CATSPERE: variants seen among roughly 807,000 people sequenced by gnomAD.
CATSPERE encodes the protein cation channel sperm-associated auxiliary subunit epsilon.
A neutral mutation model predicts 114.1 loss-of-function variants in CATSPERE; 93 were observed. That is an observed-to-expected ratio of 0.81 (90% CI 0.69 to 0.97). CATSPERE has a LOEUF of 0.97. CATSPERE is among the 50% of genes least tolerant of loss of function. CATSPERE has a pLI of 0.00. For missense variants in CATSPERE, 1,058 were observed against 1,131.6 expected (o/e 0.93, Z 0.93); for synonymous variants, 341 against 384.1 (o/e 0.89, Z 1.31).
chr1:244,477,428 T>C, intron 2 of CATSPERE, 113 bp from the exon 3 acceptor site: 1 of 661,234 alleles, frequency 1.5e-6, no homozygotes. Flanking sequence ...AATTGAATTT[T>C]AGTTATTCTT....
At chr1:244,466,046 TA>T (rs2148083996) in intron 2 of CATSPERE, among the ~76,000 whole-genome samples, 1 of 152,336 alleles carries the variant, frequency 6.6e-6, no homozygotes, top group South Asian at 2.1e-4. Flanking sequence ...AAGTGATACT[TA>T]TAGTGAATTG....
intron 8 of CATSPERE, among the ~76,000 whole-genome samples, chr1:244,533,836 G>A (rs2148429004): frequency 6.6e-6 from 1 of 152,130 alleles, no homozygotes; most frequent in South Asian, 2.1e-4. Context: ...GTTTTTCTGT[G>A]TACTTAAAAT....
In CATSPERE at chr1:244,635,518, T is replaced by C; in HGVS notation, c.2678T>C (p.Ile893Thr). The C allele has an allele frequency of 6.2e-7, 1 of 1,612,986 alleles. No individual in the cohort carries two copies. The highest frequency in any genetic ancestry group is 1.1e-5 in the South Asian group (1 of 91,008). ...SFCNLTAMFA[I>T]ETFGLIPSPS... ...TGTAACCTAACAGCTATGTTTGCAA[T>C]AGAGACATTTGGACTGATTCCCAGG... Residue 893 changes from isoleucine to threonine, a missense_variant, in exon 21 of 22, where the codon ATA becomes ACA. Physicochemically the swap from Ile to Thr is moderately conservative, Grantham distance 89. Coordinates refer to ENST00000366534, the MANE Select transcript of CATSPERE (RefSeq NM_001130957.2).
At chr1:244,581,621 T>G (rs956288588) in intron 11 of CATSPERE, among the ~76,000 whole-genome samples, 175 bp from the exon 12 acceptor site, 1 of 152,230 alleles carries the variant, frequency 6.6e-6, no homozygotes, top group African/African-American at 2.4e-5. Context: ...TACGTATCTA[T>G]GCACCTGTCT....
At position 244,515,065 on chromosome 1, in the gene CATSPERE, T is replaced by C. The variant is rs3003283; in HGVS notation, c.430-3527T>C. 7.3e-3 allele frequency among the ~76,000 whole-genome samples: 1,106 copies of C among 152,344 alleles called. 14 individuals carry two copies. The highest frequency in any genetic ancestry group is 0.025 in the African/African-American group (1,026 of 41,574). ...CCTATTTTAAAATCTCTTCAATGTT[T>C]GGCCATTGTACTAAGAATAAAATCT... On this transcript the variant is annotated intron_variant, in intron 7 of 21. Coordinates refer to ENST00000366534, the MANE Select transcript of CATSPERE (RefSeq NM_001130957.2).
chr1:244,501,676 T>G (rs1222068479), intron 7 of CATSPERE, among the ~76,000 whole-genome samples: 2 of 152,254 alleles, frequency 1.3e-5, no homozygotes, highest in African/African-American at 4.8e-5. Flanking sequence ...TCTAATCATT[T>G]TAAGTAAATA....
chr1:244,576,077 C>T (rs2148590348), intron 11 of CATSPERE, among the ~76,000 whole-genome samples: 1 of 152,238 alleles, frequency 6.6e-6, no homozygotes, highest in Middle Eastern at 3.4e-3. Flanking sequence ...CAAGGAAATA[C>T]TTTACCGGCT....
chr1:244,499,482 C>T (rs1673666733), intron 7 of CATSPERE, among the ~76,000 whole-genome samples: 1 of 147,204 alleles, frequency 6.8e-6, no homozygotes, highest in Non-Finnish European at 1.5e-5. Flanking sequence ...GCCAAATGCT[C>T]TCCCTCCCCT....
In CATSPERE at chr1:244,607,623, G is replaced by A. The variant is rs1366237677; in HGVS notation, c.2403+1829G>A. Reference sequence around the variant, plus strand: ...GGTGAAGTGCTTAAGAAGGAATCACGTGAACCTTCACGCTTTCCATCATAC... The same window carrying A: ...GGTGAAGTGCTTAAGAAGGAATCACATGAACCTTCACGCTTTCCATCATAC... On this transcript the variant is annotated intron_variant, in intron 18 of 21. Transcript: ENST00000366534. This position sits in a 1 kb window ranked among gnomAD's most constrained non-coding sequence, Gnocchi z 4.4. 6.6e-6 allele frequency among the ~76,000 whole-genome samples: 1 copy of A among 152,194 alleles called. No individual in the cohort carries two copies. The highest frequency in any genetic ancestry group is 1.5e-5 in the Non-Finnish European group (1 of 68,044).
intron 13 of CATSPERE, among the ~76,000 whole-genome samples, chr1:244,587,838 C>T (rs190458928): frequency 6.6e-6 from 1 of 152,298 alleles, no homozygotes; most frequent in Admixed American, 6.5e-5. Flanking sequence ...AACCTGCCAG[C>T]TGAGTCAGAG....
At chr1:244,458,752 G>T (rs1020126741), upstream of CATSPERE, among the ~76,000 whole-genome samples, 1 of 152,146 alleles carries the variant, frequency 6.6e-6, no homozygotes, top group Admixed American at 6.5e-5. Context: ...TCAATTTATG[G>T]CAGTATAGTT....
chr1:244,605,665 T>C (rs767936083), intron 17 of CATSPERE, 30 bp from the exon 18 acceptor site: 2 of 1,446,124 alleles, frequency 1.4e-6, no homozygotes, highest in African/African-American at 2.8e-5. Context: ...TATATTAAAC[T>C]AGTATCTTTC....
chr1:244,625,430 A>ATTTTTTTTTTTTTTT (rs1476267922), intron 20 of CATSPERE, among the ~76,000 whole-genome samples: 89 of 4,326 alleles, frequency 0.021, 3 homozygotes, highest in Non-Finnish European at 0.026. Context: ...ATATATATAT[A>ATTTTTTTTTTTTTTT]TATTTTTTTT....
rs774546488 is a variant in CATSPERE, at chr1:244,526,893, C to T, written c.536+8195C>T. 4.6e-4 allele frequency among the ~76,000 whole-genome samples: 70 copies of T among 152,098 alleles called. 1 individual carries two copies. Among genetic ancestry groups the T allele is most frequent in the South Asian group, 2.3e-3 (11 of 4,818 alleles). ...GGAGACATCACATGTCAGCAGGTTC[C>T]GTGATGCCCCCCAAGCCACAAAACC... On this transcript the variant is annotated intron_variant, in intron 8 of 21. Coordinates refer to ENST00000366534, the MANE Select transcript of CATSPERE (RefSeq NM_001130957.2).
intron 1 of CATSPERE, among the ~76,000 whole-genome samples, chr1:244,461,895 C>T (rs1666876729): frequency 1.3e-5 from 2 of 152,152 alleles, no homozygotes; most frequent in South Asian, 4.1e-4. Flanking sequence ...CTCCCTGAAG[C>T]CTGAAACTCC....
intron 18 of CATSPERE, among the ~76,000 whole-genome samples, chr1:244,608,799 A>G (rs151044247): frequency 6.6e-6 from 1 of 151,840 alleles, no homozygotes; most frequent in East Asian, 1.9e-4. Flanking sequence ...CTGTATCTCT[A>G]TCTGTATCTC....
intron 8 of CATSPERE, among the ~76,000 whole-genome samples, chr1:244,544,974 T>G (rs1483080813): frequency 6.6e-6 from 1 of 152,172 alleles, no homozygotes; most frequent in Non-Finnish European, 1.5e-5. Context: ...ACCTCAAGGG[T>G]ATATCAATTC....
intron 8 of CATSPERE, among the ~76,000 whole-genome samples, chr1:244,531,884 G>C (rs1314448418): frequency 6.6e-6 from 1 of 152,080 alleles, no homozygotes; most frequent in Non-Finnish European, 1.5e-5. Flanking sequence ...CTATTTTTGG[G>C]GATAGTTTGA....
At chr1:244,541,357 G>A (rs1166518140) in intron 8 of CATSPERE, among the ~76,000 whole-genome samples, 1 of 149,940 alleles carries the variant, frequency 6.7e-6, no homozygotes, top group Non-Finnish European at 1.5e-5. Flanking sequence ...GACATGAACA[G>A]GCACTTCTCA....
Sources: gnomAD v4.1 joint callset for allele counts (sites outside exome capture counted in the v4.1 genomes callset) on GRCh38, gnomAD v4.1.1 for gene constraint, Gnocchi (gnomAD v3.1) non-coding constraint, MANE v1.5 for transcripts, NCBI Gene and HGNC (gene_info 2026-07-23, HGNC 2026-07-21) for gene names.